Variants in SV2C observed in about 807,000 individuals in gnomAD.
The protein encoded by SV2C is solute carrier family 22 member B3.
SV2C carries 49 observed loss-of-function variants against 79.7 expected under a neutral mutation model. The ratio of observed to expected loss-of-function variants is 0.61; its 90% CI spans 0.49 to 0.78. The LOEUF (loss-of-function observed/expected upper bound fraction) is 0.78. Among genes scored for constraint, SV2C ranks in the 30% least tolerant of loss-of-function variants. The probability of loss-of-function intolerance (pLI) is 0.00; values close to 1 mark genes in which losing one functional copy is unlikely to be tolerated. For missense variants in SV2C, 833 were observed against 912.9 expected, an observed-to-expected ratio of 0.91 and a Z score of 1.13; for synonymous variants, 334 against 333.2, an observed-to-expected ratio of 1.00 and a Z score of -0.03.
At chr5:76,008,810 T>C in the SV2C span, among the ~76,000 whole-genome samples, 2 of 152,048 alleles carry the variant, frequency 1.3e-5, no homozygotes, top group Non-Finnish European at 2.9e-5. Context: ...TCACTCAGAG[T>C]AAAAGTCAAT....
chr5:76,242,584 C>A (rs1349193028), intron 4 of SV2C, among the ~76,000 whole-genome samples: 3 of 152,134 alleles, frequency 2.0e-5, no homozygotes, highest in Non-Finnish European at 4.4e-5. Flanking sequence ...TCAAGTGAGA[C>A]ATGTTTTGTT....
chr5:76,173,944 T>C (rs1743423851), intron 2 of SV2C: 1 of 1,573,152 alleles, frequency 6.4e-7, no homozygotes, highest in South Asian at 1.1e-5. Context: ...TGGAATAAAC[T>C]AATGCAAACC....
chr5:76,268,122 A>T (rs982991573), intron 4 of SV2C, among the ~76,000 whole-genome samples: 7 of 152,116 alleles, frequency 4.6e-5, no homozygotes, highest in Non-Finnish European at 8.8e-5. Context: ...GAGTGTGGAG[A>T]AGCAGGCTGG....
intron 4 of SV2C, among the ~76,000 whole-genome samples, chr5:76,257,956 T>G (rs939019840): frequency 6.7e-6 from 1 of 148,194 alleles, no homozygotes; most frequent in Non-Finnish European, 1.5e-5. Context: ...GTGTAGTGTG[T>G]GGGGTATAAA....
chr5:76,148,214 C>CT (rs553939405), intron 2 of SV2C, among the ~76,000 whole-genome samples: 10 of 151,916 alleles, frequency 6.6e-5, no homozygotes, highest in African/African-American at 1.5e-4. Flanking sequence ...CACTATATAT[C>CT]TTTTTTTTCA....
At chr5:76,035,964 C>T in the SV2C span, among the ~76,000 whole-genome samples, 5 of 152,092 alleles carry the variant, frequency 3.3e-5, no homozygotes, top group South Asian at 2.1e-4. Flanking sequence ...GGATAGTTAG[C>T]TCTTCTTGTT....
At chr5:75,920,835 G>A in the SV2C span, 2 of 763,666 alleles carry the variant, frequency 2.6e-6, no homozygotes, top group East Asian at 4.9e-5. Context: ...GCCCTGAATG[G>A]TCAGCTTGTC....
At position 76,193,724 on chromosome 5, in the gene SV2C, A is replaced by AC. The variant is rs547953791; in HGVS notation, c.581-1190dup. 3.5e-3 allele frequency among the ~76,000 whole-genome samples: 538 copies of AC among 151,984 alleles called. 2 individuals carry two copies. Among genetic ancestry groups the AC allele is most frequent in the Middle Eastern group, 0.01 (3 of 294 alleles). The stretch of plus-strand genomic sequence containing the variant: ...AAATGGAATATCAGCCCTGAGAAAG[A>AC]CCCCCAGGCTTTAGTCAGAGAAACA... On this transcript the variant is annotated intron_variant, in intron 2 of 12. Coordinates refer to ENST00000502798, the MANE Select transcript of SV2C (RefSeq NM_014979.4).
At chr5:76,164,506 G>A (rs961574534) in intron 2 of SV2C, among the ~76,000 whole-genome samples, 3 of 152,190 alleles carry the variant, frequency 2.0e-5, no homozygotes, top group Non-Finnish European at 4.4e-5. Context: ...AACTTATGTT[G>A]TCTCCATTTT....
chr5:76,163,891 G>A (rs1049320808), intron 2 of SV2C, among the ~76,000 whole-genome samples: 2 of 152,138 alleles, frequency 1.3e-5, no homozygotes, highest in Non-Finnish European at 2.9e-5. Flanking sequence ...AGGAACCTCT[G>A]CAAATGCAAA....
chr5:76,115,100 T>C (rs888797808), intron 1 of SV2C, among the ~76,000 whole-genome samples: 3 of 152,190 alleles, frequency 2.0e-5, no homozygotes, highest in Non-Finnish European at 2.9e-5. Context: ...AATTAGGTCA[T>C]TTTAATATGT....
the SV2C span, among the ~76,000 whole-genome samples, chr5:76,013,163 G>A: frequency 2.0e-5 from 3 of 152,140 alleles, no homozygotes; most frequent in Non-Finnish European, 2.9e-5. Flanking sequence ...GTAGCTTGAT[G>A]GGGATAGCAT....
At chr5:76,257,484 G>C (rs1324333392) in intron 4 of SV2C, among the ~76,000 whole-genome samples, 1 of 151,586 alleles carries the variant, frequency 6.6e-6, no homozygotes, top group Non-Finnish European at 1.5e-5. Flanking sequence ...GTATGGGTGT[G>C]TGGGAGTGTC....
In SV2C at chr5:76,329,578, C is replaced by T. The variant is rs1749113264; in HGVS notation, c.*4031C>T. The T allele has an allele frequency of 6.6e-6, 1 of 152,182 alleles. No homozygotes were observed. Among genetic ancestry groups the T allele is most frequent in the African/African-American group, 2.4e-5 (1 of 41,438 alleles). 9.4% of individuals were successfully genotyped at this position (152,182 alleles called of 1,614,324 possible). A position where few individuals can be genotyped will look rare whatever the true frequency, so the allele number is the denominator to read the frequency against. On this transcript the variant is annotated 3_prime_UTR_variant, in exon 13 of 13. Coordinates refer to ENST00000502798, the MANE Select transcript of SV2C (RefSeq NM_014979.4). ...GTGACAGAAGGGAGAGTCCAAGATA[C>T]CACTGATAAGGTTCCAGCAAAGAGA...
At chr5:76,059,872 C>T in the SV2C span, among the ~76,000 whole-genome samples, 1 of 152,114 alleles carries the variant, frequency 6.6e-6, no homozygotes, top group Non-Finnish European at 1.5e-5. Flanking sequence ...AATACTAAGA[C>T]TTGAAAACTG....
chr5:76,308,582 G>A (rs1682946799), intron 12 of SV2C, among the ~76,000 whole-genome samples: 1 of 152,160 alleles, frequency 6.6e-6, no homozygotes, highest in South Asian at 2.1e-4. Flanking sequence ...CGTTTTCCTG[G>A]TCCTTGGGCT....
chr5:75,900,266 C>CA, the SV2C span, among the ~76,000 whole-genome samples: 69 of 152,140 alleles, frequency 4.5e-4, no homozygotes, highest in Non-Finnish European at 8.8e-4. Context: ...CTGGTGGTGA[C>CA]AAAATCTCTC....
intron 1 of SV2C, among the ~76,000 whole-genome samples, chr5:76,111,374 T>C (rs1009272420): frequency 7.9e-5 from 12 of 152,196 alleles, no homozygotes; most frequent in African/African-American, 2.9e-4. Context: ...CAAAGGTGGT[T>C]ATTAATGATG....
the SV2C span, among the ~76,000 whole-genome samples, chr5:76,006,384 GT>G: frequency 6.6e-6 from 1 of 152,096 alleles, no homozygotes; most frequent in Non-Finnish European, 1.5e-5. Flanking sequence ...AGGAAAAATG[GT>G]TTTTGTTTAG....
Sources: gnomAD v4.1 joint callset for allele counts (sites outside exome capture counted in the v4.1 genomes callset) on GRCh38, gnomAD v4.1.1 for gene constraint, MANE v1.5 for transcripts, NCBI Gene and HGNC (gene_info 2026-07-23, HGNC 2026-07-21) for gene names.